Variants in RPS6KA2 observed in about 807,000 individuals in gnomAD.
The protein encoded by RPS6KA2 is ribosomal protein S6 kinase alpha-2.
A neutral mutation model predicts 91.8 loss-of-function variants in RPS6KA2; 42 were observed. The ratio of observed to expected loss-of-function variants is 0.46; its 90% CI spans 0.36 to 0.59. RPS6KA2 has a LOEUF of 0.59. Ranked by LOEUF, RPS6KA2 falls within the 20% of genes least tolerant of loss-of-function variation. The pLI is 0.00. For synonymous variants in RPS6KA2, 414 were observed against 393.6 expected (o/e 1.05, Z -0.61); for missense variants, 798 against 978.5 (o/e 0.82, Z 2.46).
At chr6:166,769,846 C>T (rs1298882220) in intron 2 of RPS6KA2, among the ~76,000 whole-genome samples, 1 of 152,206 alleles carries the variant, frequency 6.6e-6, no homozygotes, top group Non-Finnish European at 1.5e-5. Context: ...TTGTGCAGTG[C>T]CCTCCCTGGG....
intron 1 of RPS6KA2, among the ~76,000 whole-genome samples, chr6:166,590,140 G>A (rs920368682): frequency 1.3e-5 from 2 of 152,196 alleles, no homozygotes; most frequent in East Asian, 3.8e-4. Flanking sequence ...TCATCGGGAT[G>A]ATAAAGACTA....
intron 2 of RPS6KA2, among the ~76,000 whole-genome samples, chr6:166,813,207 G>A (rs558272327): frequency 1.3e-4 from 20 of 152,114 alleles, no homozygotes; most frequent in Admixed American, 5.9e-4. Context: ...TTTAACAAGC[G>A]GAAGCCAGCA....
intron 14 of RPS6KA2, among the ~76,000 whole-genome samples, chr6:166,443,325 GT>G (rs1404204071): frequency 6.6e-6 from 1 of 151,764 alleles, no homozygotes; most frequent in African/African-American, 2.4e-5. Context: ...TTCAACTTTT[GT>G]TTTTTTTGGT....
At position 166,423,325 on chromosome 6, in the gene RPS6KA2, G is replaced by C; in HGVS notation, c.1674C>G (p.Ala558=). 1 of 1,614,116 alleles carries C rather than the reference G, an allele frequency of 6.2e-7. No homozygotes were observed. Among genetic ancestry groups the C allele is most frequent in the South Asian group, 1.1e-5 (1 of 91,080 alleles). ...ESIRVCDFGF[A]KQLRAGNGLL... is the part of the protein sequence containing the mutation. ...GCCCGTTCCCCGCGCGCAGCTGCTT[G>C]GCAAAGCCGAAGTCGCAGACTCGGA... Residue 558 remains alanine, a synonymous_variant, in exon 17 of 21, where the codon GCC becomes GCG. Coordinates refer to ENST00000265678, the MANE Select transcript of RPS6KA2 (RefSeq NM_021135.6). This position sits in a 1 kb window ranked among gnomAD's most constrained non-coding sequence, Gnocchi z 4.8.
At chr6:166,801,595 C>T (rs1005522021) in intron 2 of RPS6KA2, among the ~76,000 whole-genome samples, 2 of 152,214 alleles carry the variant, frequency 1.3e-5, no homozygotes, top group African/African-American at 4.8e-5. Flanking sequence ...GTTCCTCCTG[C>T]CTCAGCCTCC....
At chr6:166,654,360 C>T (rs974510097) in intron 2 of RPS6KA2, among the ~76,000 whole-genome samples, 32 of 151,948 alleles carry the variant, frequency 2.1e-4, no homozygotes, top group Admixed American at 2.0e-3. Context: ...ATAGCTGCAT[C>T]GAGCATGAAA....
rs377082707 is a variant in RPS6KA2 at position 166,761,214 on chromosome 6, T to G, written c.123+96986A>C. Among the ~76,000 whole-genome samples, 82 of 152,230 alleles carry G rather than the reference T, an allele frequency of 5.4e-4. 1 individual carries two copies. The highest frequency in any genetic ancestry group is 3.4e-3 in the Middle Eastern group (1 of 294). On this transcript the variant is annotated intron_variant, in intron 2 of 21. Coordinates refer to the RPS6KA2 transcript ENST00000503859. ...AAGTAGCCACCGCACCCGGCTAAAT[T>G]TTGTATTTTTTGTAGAGACAGGATT...
intron 2 of RPS6KA2, among the ~76,000 whole-genome samples, chr6:166,641,810 G>C (rs1304226372): frequency 7.2e-6 from 1 of 138,016 alleles, no homozygotes; most frequent in East Asian, 2.2e-4. Context: ...CCAACAAAGA[G>C]TTGGTAAAAG....
At chr6:166,512,783 T>C (rs1782515514) in intron 3 of RPS6KA2, among the ~76,000 whole-genome samples, 1 of 152,244 alleles carries the variant, frequency 6.6e-6, no homozygotes. Context: ...ACCTGTGCAG[T>C]GATGTGTGTG....
At chr6:166,731,544 G>T (rs1316045354) in intron 2 of RPS6KA2, among the ~76,000 whole-genome samples, 1 of 152,080 alleles carries the variant, frequency 6.6e-6, no homozygotes, top group African/African-American at 2.4e-5. Context: ...CAGCACTTCA[G>T]AAAACCCCTG....
chr6:166,731,909 T>TAA (rs1282017549), intron 2 of RPS6KA2, among the ~76,000 whole-genome samples: 1 of 152,092 alleles, frequency 6.6e-6, no homozygotes, highest in Admixed American at 6.6e-5. Context: ...AGCTCCTGAA[T>TAA]AAAACTAACT....
intron 1 of RPS6KA2, among the ~76,000 whole-genome samples, chr6:166,622,444 C>A: frequency 6.6e-6 from 1 of 151,672 alleles, no homozygotes; most frequent in Non-Finnish European, 1.5e-5. Context: ...GTCAGAAAAT[C>A]CAATAAAATT....
Position 166,773,175 on chromosome 6 carries a change from G to A in RPS6KA2, c.123+85025C>T, listed in dbSNP as rs57722156. On this transcript the variant is annotated intron_variant, in intron 2 of 21. Transcript: ENST00000503859. Reference sequence around the variant, plus strand: ...TCCGATCCAGGACACGAGAGGAGAGGACTCCCCTTACGGATCCCATCTCCT... The same window carrying A: ...TCCGATCCAGGACACGAGAGGAGAGAACTCCCCTTACGGATCCCATCTCCT... Among the ~76,000 whole-genome samples, 1,145 of 152,222 alleles carry A rather than the reference G, an allele frequency of 7.5e-3. 13 individuals are homozygous for A. Among genetic ancestry groups the A allele is most frequent in the African/African-American group, 0.026 (1,076 of 41,530 alleles).
intron 2 of RPS6KA2, among the ~76,000 whole-genome samples, chr6:166,679,224 C>T (rs999285065): frequency 2.6e-5 from 4 of 151,724 alleles, no homozygotes; most frequent in African/African-American, 7.3e-5. Context: ...GAGACTGAGG[C>T]GGGTGGATCA....
chr6:166,551,491 AATC>A (rs1188732250), intron 1 of RPS6KA2, among the ~76,000 whole-genome samples: 1 of 152,188 alleles, frequency 6.6e-6, no homozygotes, highest in Non-Finnish European at 1.5e-5. Context: ...TACGAAAAAC[AATC>A]AACACTCCAG....
At chr6:166,567,435 G>A (rs905615197) in intron 1 of RPS6KA2, among the ~76,000 whole-genome samples, 3 of 152,174 alleles carry the variant, frequency 2.0e-5, no homozygotes, top group South Asian at 4.1e-4. Context: ...GAGTGGCCAC[G>A]TGAGAGCAGC....
At chr6:166,573,837 A>G (rs1332418762) in intron 1 of RPS6KA2, among the ~76,000 whole-genome samples, 1 of 152,224 alleles carries the variant, frequency 6.6e-6, no homozygotes, top group East Asian at 1.9e-4. Flanking sequence ...AAAGTTAGAG[A>G]GAACTTTTAA....
intron 2 of RPS6KA2, among the ~76,000 whole-genome samples, chr6:166,537,340 G>T (rs1783514002): frequency 6.6e-6 from 1 of 152,206 alleles, no homozygotes; most frequent in Non-Finnish European, 1.5e-5. Flanking sequence ...TAATAGTGAG[G>T]CATTCCACTG....
At chr6:166,594,582 C>G (rs1314508010) in intron 1 of RPS6KA2, among the ~76,000 whole-genome samples, 1 of 152,162 alleles carries the variant, frequency 6.6e-6, no homozygotes, top group Admixed American at 6.5e-5. Context: ...CCTGCCTCAG[C>G]CTCCCCAGTA....
Sources: gnomAD v4.1 joint callset for allele counts (sites outside exome capture counted in the v4.1 genomes callset) on GRCh38, gnomAD v4.1.1 for gene constraint, Gnocchi (gnomAD v3.1) non-coding constraint, MANE v1.5 for transcripts, NCBI Gene and HGNC (gene_info 2026-07-23, HGNC 2026-07-21) for gene names.